PLEKHA4: variants seen among roughly 807,000 people sequenced by gnomAD.
PLEKHA4 encodes pleckstrin homology domain-containing family A member 4.
Under a neutral mutation model 94.7 loss-of-function variants are expected in PLEKHA4, and 73 were observed. The ratio of observed to expected loss-of-function variants is 0.77; its 90% CI spans 0.64 to 0.94. PLEKHA4 has a LOEUF of 0.94. Ranked by LOEUF, PLEKHA4 falls within the 40% of genes least tolerant of loss-of-function variation. The pLI, the probability that PLEKHA4 is intolerant of heterozygous loss-of-function variation, is 0.00. For synonymous variants in PLEKHA4, 449 were observed against 437.1 expected (o/e 1.03, Z -0.34); for missense variants, 1,049 against 1,054.1 (o/e 1.00, Z 0.07).
In PLEKHA4 at chr19:48,837,880, AC is replaced by A; in HGVS notation, c.2077+136del. On this transcript the variant is annotated intron_variant, in intron 19 of 19. Transcript: ENST00000263265. The surrounding 1 kb of genome is among the most constrained non-coding windows in gnomAD (Gnocchi z 4.3). ...CTTGCCTGAGACCTAAAACTCCCAAACCCTGCCCAACTCTTTACTCACCAAG... is the reference window on the plus strand; with the variant it reads ...CTTGCCTGAGACCTAAAACTCCCAAACCTGCCCAACTCTTTACTCACCAAG... 1 of 732,534 alleles carries A rather than the reference AC, an allele frequency of 1.4e-6. No homozygotes were observed. Among genetic ancestry groups the A allele is most frequent in the Non-Finnish European group, 2.3e-6 (1 of 438,450 alleles). 45.4% of individuals were successfully genotyped at this position (732,534 alleles called of 1,614,324 possible).
chr19:48,854,048 G>A lies in PLEKHA4; in HGVS notation c.1135C>T (p.Arg379Trp), dbSNP rs757263118. The change falls in exon 11 of 20, where the codon CGG becomes TGG. Residue 379 changes from arginine to tryptophan, a missense_variant. Physicochemically the swap from Arg to Trp is moderately radical, Grantham distance 101 (BLOSUM62 -3). Transcript: ENST00000263265. ...TGGTCTATCTCCTCCTGCAGCCTCC[G>A]CAGAAGCCGGTCCTGCCCGCACAAC... is the stretch of plus-strand genomic sequence containing the variant. ...TKLCGQDRLLRRLQEEIDQKQ... is the reference protein window; with the variant it reads ...TKLCGQDRLLWRLQEEIDQKQ... 1.2e-5 allele frequency: 20 copies of A among 1,613,948 alleles called. No homozygotes were observed. In the Admixed American group the frequency reaches 1.8e-4, roughly 15 times the overall value.
chr19:48,865,897 C>T (rs55973465), intron 2 of PLEKHA4, among the ~76,000 whole-genome samples: 22,994 of 151,554 alleles, frequency 0.15, 1,919 homozygotes, highest in Non-Finnish European at 0.17. Context: ...GCCTGTAGTC[C>T]CAGCTACTCG....
At chr19:48,859,168 A>C (rs2036542652) in intron 7 of PLEKHA4, 29 bp from the exon 8 acceptor site, 1 of 1,485,496 alleles carries the variant, frequency 6.7e-7, no homozygotes, top group African/African-American at 1.4e-5. Flanking sequence ...CGGGGAACTG[A>C]GTCAACTAGA....
In PLEKHA4 at chr19:48,857,460, G is replaced by A. The variant is rs1431938990; in HGVS notation, c.1009C>T (p.Pro337Ser). ...SGSPTYLQLP[P>S]RPPGTRASMV... ...GAGGCCCGGGTCCCAGGGGGCCGCG[G>A]GGGGAGCTGGAGATAAGTGGGGGAG... The change falls in exon 9 of 20, where the codon CCG becomes TCG. Residue 337 changes from proline (P) to serine (S), a missense_variant. Coordinates refer to ENST00000263265, the MANE Select transcript of PLEKHA4 (RefSeq NM_020904.3). 37 of 1,567,650 alleles carry A rather than the reference G, an allele frequency of 2.4e-5. No homozygotes were observed. Among genetic ancestry groups the A allele is most frequent in the Admixed American group, 8.0e-5 (4 of 49,716 alleles).
intron 13 of PLEKHA4, among the ~76,000 whole-genome samples, 157 bp from the exon 14 acceptor site, chr19:48,848,197 A>T (rs758415840): frequency 1.3e-5 from 2 of 152,132 alleles, no homozygotes; most frequent in Non-Finnish European, 2.9e-5. Flanking sequence ...ATTGAAAAAA[A>T]CTGTCTTGGC....
At chr19:48,862,877 G>C (rs1370287443) in intron 3 of PLEKHA4, among the ~76,000 whole-genome samples, 2 of 152,172 alleles carry the variant, frequency 1.3e-5, no homozygotes, top group Non-Finnish European at 2.9e-5. Context: ...ATGTTTTCTC[G>C]TCTATCCGCT....
intron 17 of PLEKHA4, among the ~76,000 whole-genome samples, chr19:48,839,484 T>C (rs1324840689): frequency 6.6e-6 from 1 of 152,198 alleles, no homozygotes; most frequent in Non-Finnish European, 1.5e-5. Flanking sequence ...GGTGTGATCA[T>C]AACTCACTGT....
chr19:48,860,474 G>T lies in PLEKHA4; in HGVS notation c.367-15C>A. ...GGGTGCTCTGCCTGCGGGAAGAGAA[G>T]GCTTGGAATCCGGACTCCCGGGCCT... On this transcript the variant is annotated splice_polypyrimidine_tract_variant and intron_variant, in intron 5 of 19. Transcript: ENST00000263265. The T allele has an allele frequency of 6.2e-7, 1 of 1,605,670 alleles. No homozygotes were observed. The highest frequency in any genetic ancestry group is 8.5e-7 in the Non-Finnish European group (1 of 1,172,466).
rs772689508 is a variant in PLEKHA4, at chr19:48,837,545, T to C, written c.2084A>G (p.Asn695Ser). The change falls in exon 20 of 20, where the codon AAT (asparagine) becomes AGT (serine). Residue 695 changes from asparagine (N) to serine (S), a missense_variant. By Grantham distance (46) the Asn-to-Ser change is conservative (BLOSUM62 1). Transcript: ENST00000263265. This position sits in a 1 kb window ranked among gnomAD's most constrained non-coding sequence, Gnocchi z 4.3. ...SQWHRMMTGG[N>S]LDSQGDPLPG... ...AAGAGGGTCTCCCTGGGAGTCCAAATTTCCACCTGGAGAGGATGAGTGGGA... is the reference window on the plus strand; with the variant it reads ...AAGAGGGTCTCCCTGGGAGTCCAAACTTCCACCTGGAGAGGATGAGTGGGA... 1.2e-6 allele frequency: 2 copies of C among 1,613,116 alleles called. No individual in the cohort carries two copies. Among genetic ancestry groups the C allele is most frequent in the African/African-American group, 2.7e-5 (2 of 74,844 alleles).
chr19:48,837,409 C>T lies in PLEKHA4; in HGVS notation c.2220G>A (p.Gly740=), dbSNP rs772243338. 1.2e-6 allele frequency: 2 copies of T among 1,613,566 alleles called. No homozygotes were observed. Among genetic ancestry groups the T allele is most frequent in the South Asian group, 2.2e-5 (2 of 91,058 alleles). Reference sequence around the variant, plus strand: ...CCCAGGGGGTGGGACCTCCTCCACGCCCACTCCCTCGGCGAGAGAACCCCG... The same window carrying T: ...CCCAGGGGGTGGGACCTCCTCCACGTCCACTCCCTCGGCGAGAGAACCCCG... ...GSTGFSRRGS[G]RGGGPTPWGP... The change falls in exon 20 of 20, where the codon GGG becomes GGA. Residue 740 remains glycine (G), a synonymous_variant. Transcript: ENST00000263265. The surrounding 1 kb of genome is among the most constrained non-coding windows in gnomAD (Gnocchi z 4.3).
chr19:48,847,870 T>C (rs750574073), intron 14 of PLEKHA4, 30 bp downstream of exon 14: 38 of 1,525,410 alleles, frequency 2.5e-5, no homozygotes, highest in Non-Finnish European at 3.0e-5. Context: ...ACATGAAGCT[T>C]GGGGTGGGGA....
intron 9 of PLEKHA4, 87 bp downstream of exon 9, chr19:48,857,335 C>T (rs1052316335): frequency 6.3e-6 from 4 of 639,692 alleles, no homozygotes; most frequent in Non-Finnish European, 1.1e-5. Flanking sequence ...GTTCTCTAGG[C>T]ACCCTAGGCC....
At chr19:48,858,549 C>G (rs1255744142) in intron 8 of PLEKHA4, among the ~76,000 whole-genome samples, 1 of 148,524 alleles carries the variant, frequency 6.7e-6, no homozygotes, top group African/African-American at 2.6e-5. Flanking sequence ...ATCGCTTGAA[C>G]CCGGGAGACA....
intron 3 of PLEKHA4, among the ~76,000 whole-genome samples, chr19:48,864,888 C>A (rs1382893516): frequency 3.3e-5 from 5 of 152,154 alleles, no homozygotes; most frequent in Non-Finnish European, 7.3e-5. Flanking sequence ...CATAGCCCAT[C>A]CTGCGATCTG....
At chr19:48,855,899 G>A (rs1320773524) in intron 9 of PLEKHA4, among the ~76,000 whole-genome samples, 1 of 152,040 alleles carries the variant, frequency 6.6e-6, no homozygotes, top group Non-Finnish European at 1.5e-5. Context: ...GTGGCCAGGC[G>A]CAGTGGCTCA....
chr19:48,863,169 G>A (rs978397396), intron 3 of PLEKHA4, among the ~76,000 whole-genome samples: 6 of 152,164 alleles, frequency 3.9e-5, no homozygotes, highest in African/African-American at 1.2e-4. Flanking sequence ...GTTAGATCAC[G>A]TGAGTCCCCT....
In PLEKHA4 at chr19:48,838,028, C is replaced by A; in HGVS notation, c.2066G>T (p.Arg689Ile). ...CCCCAGCCAGTCACCTGTCATCATTCTGTGCCACTGCGACGCCTCAGTAGC... is the reference window on the plus strand; with the variant it reads ...CCCCAGCCAGTCACCTGTCATCATTATGTGCCACTGCGACGCCTCAGTAGC... ...ALATEASQWH[R>I]MMTGGNLDSQ... Residue 689 changes from arginine (R) to isoleucine (I), a missense_variant, in exon 19 of 20, where the codon AGA becomes ATA. By Grantham distance (97) the Arg-to-Ile change is moderately conservative (BLOSUM62 -3). Transcript: ENST00000263265. The A allele has an allele frequency of 6.2e-7, 1 of 1,612,788 alleles. No individual in the cohort carries two copies. Among genetic ancestry groups the A allele is most frequent in the Non-Finnish European group, 8.5e-7 (1 of 1,179,008 alleles).
intron 12 of PLEKHA4, 92 bp downstream of exon 12, chr19:48,853,590 T>A: frequency 7.9e-7 from 1 of 1,264,224 alleles, no homozygotes; most frequent in Non-Finnish European, 1.0e-6. Context: ...AAGAACGATC[T>A]TCCTATGAGC....
rs1179709243 is a variant in PLEKHA4 at position 48,837,313 on chromosome 19, G to A, written c.2316C>T (p.Val772=). ...ATTAGAAGCTGGATTGTAGCAGAGT[G>A]ACTCGCAGAGGCCATGCCCCCTCGT... ...PQDEGAWPLR[V]TLLQSSF The change falls in exon 20 of 20, where the codon GTC becomes GTT. Residue 772 remains valine, a synonymous_variant. Transcript: ENST00000263265. This position sits in a 1 kb window ranked among gnomAD's most constrained non-coding sequence, Gnocchi z 4.3. 1.2e-6 allele frequency: 2 copies of A among 1,613,864 alleles called. No homozygotes were observed. The highest frequency in any genetic ancestry group is 1.7e-6 in the Non-Finnish European group (2 of 1,180,028).
Sources: allele counts gnomAD v4.1 joint callset (sites outside exome capture counted in the v4.1 genomes callset), GRCh38; gene constraint gnomAD v4.1.1; non-coding constraint Gnocchi (gnomAD v3.1); transcripts MANE v1.5; gene names NCBI Gene and HGNC (gene_info 2026-07-23, HGNC 2026-07-21).